Variants in LRP1B observed in about 807,000 individuals in gnomAD.
LRP1B encodes the protein low-density lipoprotein receptor-related protein 1B.
Under a neutral mutation model 556.6 loss-of-function variants are expected in LRP1B, and 217 were observed. The observed-to-expected ratio is 0.39, with a 90% CI of 0.35 to 0.44. The LOEUF (loss-of-function observed/expected upper bound fraction) is 0.44. LRP1B is among the 20% of genes least tolerant of loss of function. LRP1B has a pLI of 1.00. For synonymous variants in LRP1B, 2,047 were observed against 1,865.8 expected (o/e 1.10, Z -2.50); for missense variants, 5,053 against 5,620.8 (o/e 0.90, Z 3.23).
chr2:141,845,965 C>A (rs1697631284), intron 1 of LRP1B, among the ~76,000 whole-genome samples: 1 of 150,828 alleles, frequency 6.6e-6, no homozygotes, highest in Non-Finnish European at 1.5e-5. Context: ...TGAGCTGAAA[C>A]TTCAGGCCAT....
intron 77 of LRP1B, among the ~76,000 whole-genome samples, chr2:140,337,067 T>C (rs1025754476): frequency 6.6e-5 from 10 of 151,698 alleles, no homozygotes; most frequent in Non-Finnish European, 1.2e-4. Context: ...TATCAATCAG[T>C]GGACTTGGAT....
chr2:140,851,954 T>C (rs183010998), intron 27 of LRP1B, among the ~76,000 whole-genome samples, 171 bp from the exon 28 acceptor site: 25 of 152,262 alleles, frequency 1.6e-4, no homozygotes, highest in Non-Finnish European at 1.3e-4. Flanking sequence ...AGCAATTACA[T>C]TAATAAAAAA....
intron 52 of LRP1B, among the ~76,000 whole-genome samples, chr2:140,507,882 G>A (rs1046018889): frequency 6.6e-6 from 1 of 151,994 alleles, no homozygotes; most frequent in African/African-American, 2.4e-5. Context: ...TTACCTTCTT[G>A]GTGCATCTGT....
chr2:141,157,331 A>G (rs1475383219), intron 7 of LRP1B, among the ~76,000 whole-genome samples: 1 of 152,114 alleles, frequency 6.6e-6, no homozygotes, highest in African/African-American at 2.4e-5. Context: ...TATAAAATAT[A>G]CGTATTTTCC....
intron 7 of LRP1B, among the ~76,000 whole-genome samples, chr2:141,080,350 T>C (rs1212573996): frequency 6.6e-6 from 1 of 152,200 alleles, no homozygotes; most frequent in East Asian, 1.9e-4. Context: ...CTGATTTTGC[T>C]TCTTAGTGGC....
intron 1 of LRP1B, among the ~76,000 whole-genome samples, chr2:141,917,587 TTC>T (rs1168765460): frequency 1.3e-5 from 2 of 152,182 alleles, no homozygotes; most frequent in African/African-American, 4.8e-5. Context: ...AGTTAAACAT[TTC>T]TGTTAGTTCT....
intron 82 of LRP1B, among the ~76,000 whole-genome samples, chr2:140,318,481 A>T: frequency 6.6e-6 from 1 of 152,142 alleles, no homozygotes; most frequent in East Asian, 1.9e-4. Flanking sequence ...GCATAAAATG[A>T]TACAATTTGG....
chr2:140,386,372 C>G (rs1053222725), intron 66 of LRP1B, among the ~76,000 whole-genome samples: 2 of 152,080 alleles, frequency 1.3e-5, no homozygotes, highest in Non-Finnish European at 2.9e-5. Flanking sequence ...CTCTCTTATC[C>G]ACCCTGTATT....
At chr2:140,600,766 G>GTTTTTTTTTTT (rs1558996101) in intron 42 of LRP1B, among the ~76,000 whole-genome samples, 19 of 46,206 alleles carry the variant, frequency 4.1e-4, no homozygotes, top group East Asian at 3.4e-3. Context: ...TGTTCTTCGG[G>GTTTTTTTTTTT]GTTTTTTTTT....
At chr2:141,024,023 C>T (rs1413859680) in intron 11 of LRP1B, among the ~76,000 whole-genome samples, 1 of 152,026 alleles carries the variant, frequency 6.6e-6, no homozygotes, top group Non-Finnish European at 1.5e-5. Context: ...AGAGTCAGCA[C>T]TTGGACAACT....
intron 2 of LRP1B, among the ~76,000 whole-genome samples, chr2:141,681,518 G>A (rs1029957006): frequency 6.6e-6 from 1 of 151,854 alleles, no homozygotes; most frequent in African/African-American, 2.4e-5. Context: ...GTTACTTTAT[G>A]TGTGTTTTAT....
chr2:141,972,465 G>T (rs1000672650), intron 1 of LRP1B, among the ~76,000 whole-genome samples: 3 of 151,088 alleles, frequency 2.0e-5, no homozygotes, highest in Non-Finnish European at 4.4e-5. Context: ...ATATACCAAG[G>T]AGATTTTCCT....
chr2:141,617,049 A>G (rs755556754), intron 2 of LRP1B, among the ~76,000 whole-genome samples: 2 of 152,196 alleles, frequency 1.3e-5, no homozygotes, highest in African/African-American at 2.4e-5. Context: ...TCCTGAAGTT[A>G]GTATTATTCA....
intron 29 of LRP1B, among the ~76,000 whole-genome samples, chr2:140,845,013 G>A (rs1692231830): frequency 6.6e-6 from 1 of 152,100 alleles, no homozygotes; most frequent in Non-Finnish European, 1.5e-5. Flanking sequence ...GTGATCTTCT[G>A]GGTATAGACA....
In LRP1B at chr2:140,517,029, A is replaced by G. The variant is rs1689936684; in HGVS notation, c.8027-18T>C. On this transcript the variant is annotated intron_variant, in intron 49 of 90. Transcript: ENST00000389484. ...GTTTTGAACTGTGATAAAATATGGA[A>G]TGTCAAACAATTTCATTTTAGACTT... 1 of 1,534,920 alleles carries G rather than the reference A, an allele frequency of 6.5e-7. No individual in the cohort carries two copies. The highest frequency in any genetic ancestry group is 9.0e-7 in the Non-Finnish European group (1 of 1,108,856).
chr2:140,794,646 T>C (rs1003360888), intron 32 of LRP1B, among the ~76,000 whole-genome samples: 4 of 151,538 alleles, frequency 2.6e-5, no homozygotes, highest in African/African-American at 9.7e-5. Flanking sequence ...AGAGTTTCGC[T>C]CTTGTTGCCC....
chr2:141,940,623 TAGG>T (rs1442685912), intron 1 of LRP1B, among the ~76,000 whole-genome samples: 7 of 152,188 alleles, frequency 4.6e-5, no homozygotes, highest in Admixed American at 3.9e-4. Context: ...CCGGTTTCCT[TAGG>T]AGGAGAATTT....
chr2:140,775,332 A>T (rs1689454810), intron 33 of LRP1B, among the ~76,000 whole-genome samples: 1 of 152,002 alleles, frequency 6.6e-6, no homozygotes. Flanking sequence ...ACATACCCCA[A>T]ATCCTTTAGA....
chr2:141,365,517 T>TGAAA (rs1688986980), intron 3 of LRP1B, among the ~76,000 whole-genome samples: 1 of 150,808 alleles, frequency 6.6e-6, no homozygotes, highest in African/African-American at 2.4e-5. Flanking sequence ...TTCCATTCAC[T>TGAAA]GAAAGAAAAC....
Sources: gnomAD v4.1 joint callset for allele counts (sites outside exome capture counted in the v4.1 genomes callset) on GRCh38, gnomAD v4.1.1 for gene constraint, MANE v1.5 for transcripts, NCBI Gene and HGNC (gene_info 2026-07-23, HGNC 2026-07-21) for gene names.